Variants in OARD1 observed in about 807,000 individuals in gnomAD.
The protein encoded by OARD1 is ADP-ribose glycohydrolase OARD1.
A neutral mutation model predicts 19.7 loss-of-function variants in OARD1; 19 were observed. That is an observed-to-expected ratio of 0.96 (90% CI 0.67 to 1.41). The LOEUF (loss-of-function observed/expected upper bound fraction) is 1.41, where lower values mean the gene tolerates loss of function less well. OARD1 is among the 40% of genes most tolerant of loss of function. The pLI is 0.00. For missense variants in OARD1, 190 were observed against 183.8 expected (o/e 1.03, Z -0.20); for synonymous variants, 70 against 61.8 (o/e 1.13, Z -0.62).
chr6:41,065,404 G>A lies in OARD1; in HGVS notation c.*1931C>T, dbSNP rs1402956638. The A allele has an allele frequency of 2.0e-5, 3 of 152,268 alleles. No homozygotes were observed. The East Asian group carries it at 5.8e-4, about 29-fold the overall frequency. The allele number at this position is 152,268 out of a possible 1,614,324, so 9.4% of individuals were successfully genotyped here. ...TCAACTGAACTCAACTTAAGATGGG[G>A]TTACCCAGACATAGACCTAAGTTGA... is the stretch of plus-strand genomic sequence containing the variant. On this transcript the variant is annotated 3_prime_UTR_variant, in exon 6 of 6. Coordinates refer to ENST00000424266, the MANE Select transcript of OARD1 (RefSeq NM_001329686.2).
intron 1 of OARD1, chr6:41,090,457 A>T (rs1764170017): frequency 1.8e-6 from 1 of 560,496 alleles, no homozygotes; most frequent in Non-Finnish European, 3.3e-6. Flanking sequence ...CTCTCCATTG[A>T]TTGTTGGTTT....
rs1328938020 is a variant in OARD1, at chr6:41,064,871, T to C, written c.*2464A>G. 6.6e-6 allele frequency: 1 copy of C among 152,090 alleles called. No homozygotes were observed. Among genetic ancestry groups the C allele is most frequent in the African/African-American group, 2.4e-5 (1 of 41,408 alleles). 9.4% of individuals were successfully genotyped at this position (152,090 alleles called of 1,614,324 possible). A position where few individuals can be genotyped will look rare whatever the true frequency, so the allele number is the denominator to read the frequency against. On this transcript the variant is annotated 3_prime_UTR_variant, in exon 6 of 6. Coordinates refer to ENST00000424266, the MANE Select transcript of OARD1 (RefSeq NM_001329686.2). ...CAATCATTTAAAAGTATTCAATACA[T>C]GGTGTTTGATGGTAATGGCAGGATG...
At chr6:41,068,082 T>G (rs1040240893) in intron 5 of OARD1, among the ~76,000 whole-genome samples, 4 of 152,048 alleles carry the variant, frequency 2.6e-5, no homozygotes, top group Non-Finnish European at 5.9e-5. Context: ...CATAAGGAAT[T>G]GTGATTAAAA....
At chr6:41,067,641 A>G (rs952785864) in intron 5 of OARD1, among the ~76,000 whole-genome samples, 3 of 152,230 alleles carry the variant, frequency 2.0e-5, no homozygotes, top group African/African-American at 7.2e-5. Context: ...TCCAAAAACT[A>G]TCACTTCTGT....
chr6:41,084,007 CTT>C (rs1475548111), intron 1 of OARD1: 1 of 1,548,596 alleles, frequency 6.5e-7, no homozygotes, highest in Admixed American at 1.9e-5. Flanking sequence ...CATTTTGTGT[CTT>C]ATGTTATTTC....
At chr6:41,083,122 TC>T (rs1161854990) in intron 1 of OARD1, among the ~76,000 whole-genome samples, 7 of 152,230 alleles carry the variant, frequency 4.6e-5, no homozygotes, top group South Asian at 4.1e-4. Context: ...TTTGGACTAT[TC>T]CATGGATCAT....
Position 41,067,136 on chromosome 6 carries a change from A to C in OARD1, c.*199T>G. On this transcript the variant is annotated 3_prime_UTR_variant, in exon 6 of 6. Transcript: ENST00000424266. ...TAACTCCTTACTTTTCCACAAAAAA[A>C]CACAACCACATATCTTAAGCAAGCC... 2.8e-6 allele frequency: 1 copy of C among 359,124 alleles called. No individual in the cohort carries two copies. The highest frequency in any genetic ancestry group is 5.1e-6 in the Non-Finnish European group (1 of 194,178). The allele number at this position is 359,124 out of a possible 1,614,324, so 22.2% of individuals were successfully genotyped here. A position where few individuals can be genotyped will look rare whatever the true frequency, so the allele number is the denominator to read the frequency against.
Position 41,071,242 on chromosome 6 carries a change from G to A in OARD1, c.74C>T (p.Pro25Leu), listed in dbSNP as rs761288354. 5.6e-6 allele frequency: 9 copies of A among 1,613,904 alleles called. No individual in the cohort carries two copies. Among genetic ancestry groups the A allele is most frequent in the Non-Finnish European group, 7.6e-6 (9 of 1,179,900 alleles). The change falls in exon 3 of 6, where the codon CCG (proline) becomes CTG (leucine). Residue 25 changes from proline (P) to leucine (L), a missense_variant. Coordinates refer to ENST00000424266, the MANE Select transcript of OARD1 (RefSeq NM_001329686.2). The part of the protein sequence containing the change: ...TYVKGDLFAC[P>L]KTDSLAHCIS... The stretch of plus-strand genomic sequence containing the variant: ...ACAGTGGGCTAAAGAGTCTGTTTTC[G>A]GGCATGCAAAAAGGTCTCCTTTCAC...
chr6:41,068,520 G>A (rs1330167384), intron 5 of OARD1, among the ~76,000 whole-genome samples: 1 of 152,208 alleles, frequency 6.6e-6, no homozygotes, highest in Non-Finnish European at 1.5e-5. Flanking sequence ...ATTGCTTTAG[G>A]AATAAAGGCC....
intron 1 of OARD1, chr6:41,090,343 T>C (rs763629023): frequency 6.8e-7 from 1 of 1,476,404 alleles, no homozygotes; most frequent in Non-Finnish European, 9.5e-7. Context: ...TAGGACTTTT[T>C]GGGGCAACTT....
chr6:41,067,446 G>C lies in OARD1; in HGVS notation c.357-9C>G. ...CAAGACCACATCCAATCCTGAAAAA[G>C]ACAAAATATCTCCATTGATGGTAAC... On this transcript the variant is annotated splice_polypyrimidine_tract_variant and intron_variant, in intron 5 of 5. Coordinates refer to ENST00000424266, the MANE Select transcript of OARD1 (RefSeq NM_001329686.2). The C allele has an allele frequency of 6.3e-7, 1 of 1,585,034 alleles. No homozygotes were observed. The highest frequency in any genetic ancestry group is 8.7e-7 in the Non-Finnish European group (1 of 1,154,252).
intron 1 of OARD1, chr6:41,092,959 A>C (rs1404547980): frequency 6.2e-7 from 1 of 1,614,060 alleles, no homozygotes; most frequent in South Asian, 1.1e-5. Flanking sequence ...GAATCCCTCT[A>C]CCTGGAGCAG....
chr6:41,076,729 C>A (rs1242198206), upstream of OARD1, among the ~76,000 whole-genome samples: 1 of 152,204 alleles, frequency 6.6e-6, no homozygotes, highest in Non-Finnish European at 1.5e-5. Flanking sequence ...AAGAGCTAGA[C>A]AGACTAAATC....
Position 41,095,828 on chromosome 6 carries a change from G to A in OARD1, c.-42+1885C>T, listed in dbSNP as rs1181216237. 3.3e-5 allele frequency among the ~76,000 whole-genome samples: 5 copies of A among 152,118 alleles called. No homozygotes were observed. The South Asian group carries it at 6.2e-4, about 19-fold the overall frequency. On this transcript the variant is annotated intron_variant, in intron 1 of 4. Coordinates refer to the OARD1 transcript ENST00000480585. Reference sequence around the variant, plus strand: ...TGTATAGAGGGTAGAGGATTGTTTCGTTCTCTGTTATATTTATTGGACTTA... The same window carrying A: ...TGTATAGAGGGTAGAGGATTGTTTCATTCTCTGTTATATTTATTGGACTTA...
chr6:41,089,346 T>C (rs1171021872), intron 1 of OARD1, among the ~76,000 whole-genome samples: 2 of 152,214 alleles, frequency 1.3e-5, no homozygotes, highest in South Asian at 4.1e-4. Context: ...CTATCTTTCA[T>C]AAAAACCGAC....
intron 1 of OARD1, among the ~76,000 whole-genome samples, chr6:41,084,418 T>A (rs1430217860): frequency 2.0e-5 from 3 of 152,228 alleles, no homozygotes; most frequent in Non-Finnish European, 4.4e-5. Context: ...CTTGAATTGC[T>A]GTAAAGTATA....
At chr6:41,070,851 A>G (rs574867267) in intron 3 of OARD1, 252 of 582,666 alleles carry the variant, frequency 4.3e-4, no homozygotes, top group African/African-American at 4.2e-3. Context: ...CTTGAATGCC[A>G]ACCTATAGAC....
intron 3 of OARD1, 32 bp downstream of exon 3, chr6:41,071,100 G>A (rs1169352098): frequency 1.1e-5 from 18 of 1,608,948 alleles, no homozygotes; most frequent in Non-Finnish European, 1.5e-5. Context: ...CTCTAGCCAG[G>A]GCAAACCAGG....
rs1762987049 is a variant in OARD1, at chr6:41,065,878, A to C, written c.*1457T>G. ...TCACTCTAGGGAGAAAATCAATAGC[A>C]AGTCTGGCTGTTTTAACTCTCAACA... On this transcript the variant is annotated 3_prime_UTR_variant, in exon 6 of 6. Coordinates refer to ENST00000424266, the MANE Select transcript of OARD1 (RefSeq NM_001329686.2). 1.3e-5 allele frequency: 2 copies of C among 152,222 alleles called. No individual in the cohort carries two copies. The highest frequency in any genetic ancestry group is 2.1e-4 in the South Asian group (1 of 4,832). 9.4% of individuals were successfully genotyped at this position (152,222 alleles called of 1,614,324 possible). A position where few individuals can be genotyped will look rare whatever the true frequency, so the allele number is the denominator to read the frequency against.
Sources: gnomAD v4.1 joint callset for allele counts (sites outside exome capture counted in the v4.1 genomes callset) on GRCh38, gnomAD v4.1.1 for gene constraint, MANE v1.5 for transcripts, NCBI Gene and HGNC (gene_info 2026-07-23, HGNC 2026-07-21) for gene names.